The following PRMT8 variants were observed in gnomAD, a reference collection of about 807,000 sequenced individuals.
The protein encoded by PRMT8 is protein arginine methyltransferase 8.
Under a neutral mutation model 47.1 loss-of-function variants are expected in PRMT8, and 7 were observed. That is an observed-to-expected ratio of 0.15 (90% confidence interval 0.08 to 0.28). PRMT8 has a LOEUF of 0.28. PRMT8 is among the 10% of genes least tolerant of loss of function. PRMT8 has a pLI of 1.00. For synonymous variants in PRMT8, 188 were observed against 186.5 expected (o/e 1.01, Z -0.07); for missense variants, 237 against 505.4 (o/e 0.47, Z 5.09).
Position 3,570,489 on chromosome 12 carries a change from G to A in PRMT8, c.712+925G>A, listed in dbSNP as rs186810777. 6.2e-3 allele frequency among the ~76,000 whole-genome samples: 944 copies of A among 152,264 alleles called. 13 individuals are homozygous for A. The highest frequency in any genetic ancestry group is 0.021 in the African/African-American group (867 of 41,544). On this transcript the variant is annotated intron_variant, in intron 6 of 9. Transcript: ENST00000382622. This position sits in a 1 kb window ranked among gnomAD's most constrained non-coding sequence, Gnocchi z 5.5. ...TATCCATCAGACTGGGCACATCTGC[G>A]GTTCCTGCCCCAACAGGGTGGTCCA...
chr12:3,571,175 G>A (rs1866838085), intron 6 of PRMT8, among the ~76,000 whole-genome samples: 1 of 152,156 alleles, frequency 6.6e-6, no homozygotes, highest in Non-Finnish European at 1.5e-5. Flanking sequence ...TTCTGCCCCT[G>A]GCTCTGGCAA....
At chr12:3,544,980 C>T (rs1326182034) in intron 2 of PRMT8, among the ~76,000 whole-genome samples, 1 of 152,238 alleles carries the variant, frequency 6.6e-6, no homozygotes, top group Non-Finnish European at 1.5e-5. Context: ...ATGATTGAAA[C>T]ATTTCTGCAG....
chr12:3,535,405 G>A lies in PRMT8; in HGVS notation c.76-5201G>A, dbSNP rs997202255. Among the ~76,000 whole-genome samples, 1 of 152,214 alleles carries A rather than the reference G, an allele frequency of 6.6e-6. No homozygotes were observed. Among genetic ancestry groups the A allele is most frequent in the African/African-American group, 2.4e-5 (1 of 41,446 alleles). ...GGGGGAGTCCTGATCAGCCGCTGGC[G>A]TGGTGAGTCGAAGGCAAATCACAAG... On this transcript the variant is annotated intron_variant, in intron 1 of 9. Coordinates refer to ENST00000382622, the MANE Select transcript of PRMT8 (RefSeq NM_019854.5). This position sits in a 1 kb window ranked among gnomAD's most constrained non-coding sequence, Gnocchi z 4.7.
chr12:3,443,617 G>C (rs1864826875), intron 1 of PRMT8, among the ~76,000 whole-genome samples: 1 of 152,184 alleles, frequency 6.6e-6, no homozygotes, highest in African/African-American at 2.4e-5. Flanking sequence ...CTTCATGCCT[G>C]TGCTCTCTCC....
chr12:3,397,291 G>T (rs369608408), intron 1 of PRMT8, among the ~76,000 whole-genome samples: 22 of 151,778 alleles, frequency 1.4e-4, no homozygotes, highest in East Asian at 3.9e-4. Flanking sequence ...GGTGCTCTGC[G>T]TTTTAGAGTT....
chr12:3,517,081 C>A (rs550306602), intron 1 of PRMT8, among the ~76,000 whole-genome samples: 2 of 152,142 alleles, frequency 1.3e-5, no homozygotes, highest in African/African-American at 4.8e-5. Flanking sequence ...CAATAGGCAA[C>A]GTCCAGGAAA....
intron 4 of PRMT8, among the ~76,000 whole-genome samples, 186 bp from the exon 5 acceptor site, chr12:3,568,520 G>A (rs547052274): frequency 6.6e-6 from 1 of 152,144 alleles, no homozygotes; most frequent in Non-Finnish European, 1.5e-5. Context: ...TATTTTACAG[G>A]GAAAACATGC....
chr12:3,470,252 G>A (rs1865145620), intron 1 of PRMT8, among the ~76,000 whole-genome samples: 2 of 152,192 alleles, frequency 1.3e-5, no homozygotes, highest in Non-Finnish European at 1.5e-5. Context: ...GAGAGGGGCC[G>A]AGTCAGAGGG....
intron 1 of PRMT8, among the ~76,000 whole-genome samples, chr12:3,527,885 A>G (rs1268705067): frequency 1.3e-5 from 2 of 152,244 alleles, no homozygotes; most frequent in Non-Finnish European, 2.9e-5. Flanking sequence ...CTTTACCGTC[A>G]TTTCTGAAAG....
At chr12:3,415,191 A>G (rs1231753443) in intron 1 of PRMT8, among the ~76,000 whole-genome samples, 1 of 152,132 alleles carries the variant, frequency 6.6e-6, no homozygotes, top group Non-Finnish European at 1.5e-5. Context: ...GCTATCACAA[A>G]GGGTACAGAT....
At chr12:3,465,169 A>G (rs1565414415) in intron 1 of PRMT8, among the ~76,000 whole-genome samples, 1 of 143,952 alleles carries the variant, frequency 6.9e-6, no homozygotes, top group African/African-American at 2.5e-5. Flanking sequence ...AAAAAAATAT[A>G]TATTTATATA....
In PRMT8 at chr12:3,425,737, C is replaced by T. The variant is rs528008623; in HGVS notation, c.48+44295C>T. Among the ~76,000 whole-genome samples the T allele has an allele frequency of 4.5e-4, 69 of 152,378 alleles. 2 individuals are homozygous for T. In the South Asian group the frequency reaches 0.013, roughly 28 times the overall value. ...TGAGTGTCGAAAGGCGAGCTTCTCT[C>T]GCTTTACAGTGTCTTGTTTTTCTCC... On this transcript the variant is annotated intron_variant, in intron 1 of 9. Transcript: ENST00000452611.
chr12:3,387,193 G>C (rs1273511967), intron 1 of PRMT8, among the ~76,000 whole-genome samples: 1 of 152,190 alleles, frequency 6.6e-6, no homozygotes, highest in Non-Finnish European at 1.5e-5. Context: ...CTCTTCAACA[G>C]GCATTGCTTT....
chr12:3,578,029 T>C (rs994964735), intron 7 of PRMT8, among the ~76,000 whole-genome samples: 3 of 152,360 alleles, frequency 2.0e-5, no homozygotes, highest in Admixed American at 1.3e-4. Flanking sequence ...GCATTATATA[T>C]GCTAATATAT....
At chr12:3,524,852 C>G (rs1865928994) in intron 1 of PRMT8, among the ~76,000 whole-genome samples, 1 of 152,146 alleles carries the variant, frequency 6.6e-6, no homozygotes, top group Non-Finnish European at 1.5e-5. Flanking sequence ...GTCTCGCTTT[C>G]ACTGTTCTCC....
intron 4 of PRMT8, among the ~76,000 whole-genome samples, chr12:3,565,034 G>T (rs1866696040): frequency 6.6e-6 from 1 of 152,196 alleles, no homozygotes; most frequent in Non-Finnish European, 1.5e-5. Flanking sequence ...GTTGTATTTG[G>T]CTGCACAGAA....
At chr12:3,397,539 G>GCACT (rs1864267028) in intron 1 of PRMT8, among the ~76,000 whole-genome samples, 2 of 151,442 alleles carry the variant, frequency 1.3e-5, no homozygotes, top group Non-Finnish European at 2.9e-5. Flanking sequence ...CAGGGGTCAG[G>GCACT]GACCCACTTG....
chr12:3,437,816 A>G (rs1318298724), intron 1 of PRMT8, among the ~76,000 whole-genome samples: 6 of 152,058 alleles, frequency 3.9e-5, no homozygotes, highest in Non-Finnish European at 8.8e-5. Context: ...TGAGAGCAGC[A>G]GACAGCTCAC....
chr12:3,582,522 A>G (rs1867086234), intron 7 of PRMT8, among the ~76,000 whole-genome samples: 1 of 152,188 alleles, frequency 6.6e-6, no homozygotes, highest in Non-Finnish European at 1.5e-5. Context: ...CTTGCGTATC[A>G]AAAAATTGGG....
Sources: gnomAD v4.1 joint callset for allele counts (sites outside exome capture counted in the v4.1 genomes callset) on GRCh38, gnomAD v4.1.1 for gene constraint, Gnocchi (gnomAD v3.1) non-coding constraint, MANE v1.5 for transcripts, NCBI Gene and HGNC (gene_info 2026-07-23, HGNC 2026-07-21) for gene names.